Variants in IMMP2L observed in about 807,000 individuals in gnomAD.
IMMP2L encodes the protein inner mitochondrial membrane peptidase subunit 2.
IMMP2L carries 18 observed loss-of-function variants against 19.3 expected under a neutral mutation model. The ratio of observed to expected loss-of-function variants is 0.93; its 90% confidence interval spans 0.64 to 1.38. The LOEUF (loss-of-function observed/expected upper bound fraction) is 1.38, where lower values mean the gene tolerates loss of function less well. IMMP2L is among the 40% of genes most tolerant of loss of function. IMMP2L has a pLI of 0.00. For synonymous variants in IMMP2L, 76 were observed against 73.0 expected (o/e 1.04, Z -0.21); for missense variants, 233 against 218.2 (o/e 1.07, Z -0.43).
At chr7:111,383,733 T>A (rs1831431318) in intron 3 of IMMP2L, among the ~76,000 whole-genome samples, 1 of 152,170 alleles carries the variant, frequency 6.6e-6, no homozygotes, top group African/African-American at 2.4e-5. Context: ...AAAACCCTAG[T>A]GACAAACTAA....
chr7:111,424,880 G>A (rs1835917438), intron 3 of IMMP2L, among the ~76,000 whole-genome samples: 1 of 151,660 alleles, frequency 6.6e-6, no homozygotes, highest in South Asian at 2.1e-4. Context: ...TGACTACCAG[G>A]CAAAATTCTT....
At chr7:110,834,930 T>G (rs1222097613) in intron 5 of IMMP2L, among the ~76,000 whole-genome samples, 1 of 152,126 alleles carries the variant, frequency 6.6e-6, no homozygotes, top group African/African-American at 2.4e-5. Context: ...AGGCCTGCCA[T>G]GTAACCAATC....
intron 4 of IMMP2L, among the ~76,000 whole-genome samples, chr7:110,896,095 T>C (rs1811294173): frequency 6.6e-6 from 1 of 152,166 alleles, no homozygotes; most frequent in African/African-American, 2.4e-5. Flanking sequence ...TAGATGAGAT[T>C]TGTGTGCAAA....
At chr7:111,202,602 T>C (rs572260723) in intron 3 of IMMP2L, among the ~76,000 whole-genome samples, 1 of 152,278 alleles carries the variant, frequency 6.6e-6, no homozygotes, top group African/African-American at 2.4e-5. Flanking sequence ...AGAGGATATG[T>C]AGAATTGACT....
intron 3 of IMMP2L, among the ~76,000 whole-genome samples, chr7:111,282,776 G>T (rs537022761): frequency 6.6e-6 from 1 of 152,024 alleles, no homozygotes; most frequent in Non-Finnish European, 1.5e-5. Context: ...TAGAGACTGG[G>T]TTTCACCATG....
chr7:110,682,107 G>A (rs999954366), intron 5 of IMMP2L, among the ~76,000 whole-genome samples: 3 of 152,082 alleles, frequency 2.0e-5, no homozygotes, highest in Non-Finnish European at 4.4e-5. Flanking sequence ...CTTGTAGTCC[G>A]AATCACTCTT....
At chr7:111,085,228 G>A (rs759978082) in intron 3 of IMMP2L, among the ~76,000 whole-genome samples, 4 of 152,246 alleles carry the variant, frequency 2.6e-5, no homozygotes, top group African/African-American at 7.2e-5. Context: ...CAAATGATTC[G>A]TATCTTTCAT....
intron 5 of IMMP2L, among the ~76,000 whole-genome samples, chr7:110,773,471 C>A (rs1799172595): frequency 6.6e-6 from 1 of 152,082 alleles, no homozygotes; most frequent in South Asian, 2.1e-4. Flanking sequence ...TGGGTCCTGT[C>A]TAGAACATTA....
At chr7:111,004,762 A>C (rs1824116736) in intron 3 of IMMP2L, among the ~76,000 whole-genome samples, 1 of 152,082 alleles carries the variant, frequency 6.6e-6, no homozygotes, top group African/African-American at 2.4e-5. Context: ...GCTGACCCTA[A>C]CTGGGCATGA....
chr7:111,099,110 C>G (rs1797699372), intron 3 of IMMP2L, among the ~76,000 whole-genome samples: 1 of 151,666 alleles, frequency 6.6e-6, no homozygotes, highest in South Asian at 2.1e-4. Flanking sequence ...CAGCTTATAA[C>G]TTCCTCTATC....
intron 5 of IMMP2L, among the ~76,000 whole-genome samples, chr7:110,684,848 T>C (rs1336725187): frequency 6.6e-6 from 1 of 152,108 alleles, no homozygotes; most frequent in Non-Finnish European, 1.5e-5. Flanking sequence ...GAGTAGAACC[T>C]GCCCTGCCTA....
intron 3 of IMMP2L, among the ~76,000 whole-genome samples, chr7:110,978,923 G>C (rs1217317236): frequency 6.6e-6 from 1 of 151,974 alleles, no homozygotes; most frequent in African/African-American, 2.4e-5. Context: ...ATTTTGTTTT[G>C]TGTGACTTTT....
At chr7:111,251,931 A>G (rs1232859673) in intron 3 of IMMP2L, among the ~76,000 whole-genome samples, 1 of 152,080 alleles carries the variant, frequency 6.6e-6, no homozygotes, top group East Asian at 1.9e-4. Flanking sequence ...TGTCACCTCT[A>G]TCTTCACGAG....
At chr7:111,516,835 A>G (rs1465713113) in intron 2 of IMMP2L, among the ~76,000 whole-genome samples, 1 of 152,124 alleles carries the variant, frequency 6.6e-6, no homozygotes. Flanking sequence ...TTCCAACATT[A>G]AATCCTGACT....
rs192983130 is a variant in IMMP2L, at chr7:111,501,735, T to C, written c.136-14394A>G. On this transcript the variant is annotated intron_variant, in intron 2 of 5. Transcript: ENST00000405709. Reference sequence around the variant, plus strand: ...ATCCAGCCAAACTAAGCTTCATAAGTGAAGGAGAAATAAAATACTTTACAG... The same window carrying C: ...ATCCAGCCAAACTAAGCTTCATAAGCGAAGGAGAAATAAAATACTTTACAG... Among the ~76,000 whole-genome samples the C allele has an allele frequency of 8.5e-3, 1,299 of 152,004 alleles. 20 individuals are homozygous for C. Among genetic ancestry groups the C allele is most frequent in the African/African-American group, 0.03 (1,230 of 41,428 alleles).
At chr7:111,016,632 T>A in intron 3 of IMMP2L, among the ~76,000 whole-genome samples, 1 of 109,152 alleles carries the variant, frequency 9.2e-6, no homozygotes, top group East Asian at 2.6e-4. Context: ...ATATATATAA[T>A]GCATATATAT....
chr7:110,866,096 T>C lies in IMMP2L; in HGVS notation c.408+20497A>G, dbSNP rs182984678. Among the ~76,000 whole-genome samples, 191 of 152,160 alleles carry C rather than the reference T, an allele frequency of 1.3e-3. 2 individuals carry two copies. Among genetic ancestry groups the C allele is most frequent in the African/African-American group, 4.5e-3 (185 of 41,544 alleles). Reference sequence around the variant, plus strand: ...ATTTAAAGACATGATTGACATTTTTTTTCCCATAGCAAAGCCTGATCATAA... The same window carrying C: ...ATTTAAAGACATGATTGACATTTTTCTTCCCATAGCAAAGCCTGATCATAA... On this transcript the variant is annotated intron_variant, in intron 5 of 5. Transcript: ENST00000405709.
chr7:111,383,153 T>C (rs183010757), intron 3 of IMMP2L, among the ~76,000 whole-genome samples: 30 of 152,190 alleles, frequency 2.0e-4, no homozygotes, highest in Admixed American at 1.2e-3. Context: ...CACATGGAAG[T>C]AGAGAGACTG....
intron 3 of IMMP2L, among the ~76,000 whole-genome samples, chr7:110,992,342 A>C (rs1436374396): frequency 3.3e-5 from 5 of 152,096 alleles, no homozygotes; most frequent in Non-Finnish European, 7.4e-5. Context: ...AACATTAAAT[A>C]ACATGCTAAA....
Sources: allele counts gnomAD v4.1 joint callset (sites outside exome capture counted in the v4.1 genomes callset), GRCh38; gene constraint gnomAD v4.1.1; transcripts MANE v1.5; gene names NCBI Gene and HGNC (gene_info 2026-07-23, HGNC 2026-07-21).